KCNIP4: variants seen among roughly 807,000 people sequenced by gnomAD.
KCNIP4 encodes the protein Kv channel-interacting protein 4.
A neutral mutation model predicts 34.0 loss-of-function variants in KCNIP4; 12 were observed. The observed-to-expected ratio is 0.35, with a 90% confidence interval of 0.23 to 0.57. The LOEUF is 0.57. Ranked by LOEUF, KCNIP4 falls within the 20% of genes least tolerant of loss-of-function variation. The pLI, the probability that KCNIP4 is intolerant of heterozygous loss-of-function variation, is 0.83. For synonymous variants in KCNIP4, 124 were observed against 102.2 expected (o/e 1.21, Z -1.29); for missense variants, 238 against 311.7 (o/e 0.76, Z 1.78).
At chr4:21,168,314 C>A (rs530353384) in intron 1 of KCNIP4, among the ~76,000 whole-genome samples, 3 of 152,210 alleles carry the variant, frequency 2.0e-5, no homozygotes, top group African/African-American at 7.2e-5. Flanking sequence ...GTCAGGGAAC[C>A]ACAAGTTTCA....
At chr4:21,471,630 T>C (rs947079624) in intron 1 of KCNIP4, among the ~76,000 whole-genome samples, 5 of 152,196 alleles carry the variant, frequency 3.3e-5, no homozygotes, top group Middle Eastern at 3.2e-3. Context: ...GAAAGGGGAA[T>C]GAGACAGTAA....
At chr4:21,736,281 T>TCA (rs1321525893) in intron 1 of KCNIP4, among the ~76,000 whole-genome samples, 3 of 152,146 alleles carry the variant, frequency 2.0e-5, no homozygotes, top group African/African-American at 7.2e-5. Context: ...TCCCTATTAA[T>TCA]TTCTCACTAG....
chr4:21,906,244 C>T (rs956426546), intron 1 of KCNIP4, among the ~76,000 whole-genome samples: 1 of 152,098 alleles, frequency 6.6e-6, no homozygotes, highest in African/African-American at 2.4e-5. Flanking sequence ...AGAGTCTTTG[C>T]AGGTGTAATA....
chr4:21,623,453 A>AAG (rs1945924971), intron 1 of KCNIP4, among the ~76,000 whole-genome samples: 1 of 152,250 alleles, frequency 6.6e-6, no homozygotes, highest in African/African-American at 2.4e-5. Context: ...GAACTCAACA[A>AAG]ATATTGAATG....
intron 1 of KCNIP4, among the ~76,000 whole-genome samples, chr4:21,239,620 A>G (rs972111368): frequency 5.9e-5 from 9 of 152,240 alleles, no homozygotes; most frequent in Non-Finnish European, 1.2e-4. Flanking sequence ...AGACACATGA[A>G]AAAATGCTCA....
rs145400625 is a variant in KCNIP4 at position 21,569,735 on chromosome 4, G to A, written c.61+378836C>T. On this transcript the variant is annotated intron_variant, in intron 1 of 8. Transcript: ENST00000382152. ...AAAGACTGAAGCTTCTGGGGATGTT[G>A]ATGTAACCCAGAGCTCAACAGCTTT... Among the ~76,000 whole-genome samples, 468 of 152,166 alleles carry A rather than the reference G, an allele frequency of 3.1e-3. 4 individuals are homozygous for A. Among genetic ancestry groups the A allele is most frequent in the African/African-American group, 0.011 (446 of 41,512 alleles).
intron 1 of KCNIP4, among the ~76,000 whole-genome samples, chr4:21,579,144 C>T (rs1471632887): frequency 6.6e-6 from 1 of 152,162 alleles, no homozygotes; most frequent in East Asian, 1.9e-4. Flanking sequence ...TAAAAACCCA[C>T]TGCTCTGCTG....
At position 21,472,997 on chromosome 4, in the gene KCNIP4, T is replaced by A. The variant is rs140305938; in HGVS notation, c.61+475574A>T. ...ACTATGTCAAAGCCATCAGGTTTGG[T>A]CATGTGATTTAACTTGGTCAACAAC... On this transcript the variant is annotated intron_variant, in intron 1 of 8. Transcript: ENST00000382152. Among the ~76,000 whole-genome samples, 1,226 of 152,288 alleles carry A rather than the reference T, an allele frequency of 8.1e-3. 13 individuals are homozygous for A. The highest frequency in any genetic ancestry group is 0.028 in the African/African-American group (1,178 of 41,574).
intron 1 of KCNIP4, among the ~76,000 whole-genome samples, chr4:20,883,518 A>T (rs1369482110): frequency 6.6e-6 from 1 of 152,158 alleles, no homozygotes; most frequent in Non-Finnish European, 1.5e-5. Context: ...TATCCAAGTC[A>T]GCATCAATTT....
intron 1 of KCNIP4, among the ~76,000 whole-genome samples, chr4:21,681,596 A>G (rs1750359905): frequency 6.6e-6 from 1 of 152,226 alleles, no homozygotes; most frequent in Non-Finnish European, 1.5e-5. Context: ...TTTCTTCTGC[A>G]GCTTCCCTAT....
At chr4:21,015,849 TA>T (rs1477089254) in intron 1 of KCNIP4, among the ~76,000 whole-genome samples, 1 of 139,164 alleles carries the variant, frequency 7.2e-6, no homozygotes, top group Non-Finnish European at 1.5e-5. Context: ...ATACAATATA[TA>T]AAATATATAC....
intron 5 of KCNIP4, among the ~76,000 whole-genome samples, chr4:20,741,073 A>G (rs1226522224): frequency 6.6e-6 from 1 of 152,096 alleles, no homozygotes; most frequent in Non-Finnish European, 1.5e-5. Flanking sequence ...TCATAAAACA[A>G]GTCCTTAGAG....
intron 1 of KCNIP4, among the ~76,000 whole-genome samples, chr4:21,399,216 G>T (rs1354215382): frequency 6.6e-6 from 1 of 152,202 alleles, no homozygotes; most frequent in Non-Finnish European, 1.5e-5. Context: ...CTCAGAGCAT[G>T]GTGTTGCCTT....
chr4:21,704,537 A>C (rs747568340), intron 1 of KCNIP4, among the ~76,000 whole-genome samples: 27 of 152,186 alleles, frequency 1.8e-4, no homozygotes, highest in South Asian at 6.2e-4. Flanking sequence ...TTCAATTAGA[A>C]CATGAGCAAA....
At chr4:20,847,536 C>A (rs1720522499) in intron 3 of KCNIP4, among the ~76,000 whole-genome samples, 2 of 129,134 alleles carry the variant, frequency 1.5e-5, no homozygotes, top group African/African-American at 2.7e-5. Context: ...CTGTCTCTAT[C>A]AGCTGCTCAC....
intron 1 of KCNIP4, among the ~76,000 whole-genome samples, chr4:21,278,556 G>T (rs761426196): frequency 1.4e-3 from 209 of 152,160 alleles, no homozygotes; most frequent in Admixed American, 3.0e-3. Context: ...AGTATTCCAT[G>T]ATGTATATGT....
At chr4:21,289,222 A>C (rs2109197429) in intron 1 of KCNIP4, among the ~76,000 whole-genome samples, 1 of 152,328 alleles carries the variant, frequency 6.6e-6, no homozygotes, top group South Asian at 2.1e-4. Flanking sequence ...ACAGGCATAT[A>C]ATGTGTAATG....
At chr4:21,933,021 G>C (rs1729655045) in intron 1 of KCNIP4, among the ~76,000 whole-genome samples, 1 of 138,452 alleles carries the variant, frequency 7.2e-6, no homozygotes, top group African/African-American at 2.6e-5. Context: ...AGATTTCAGA[G>C]GTAAAGCAAA....
In KCNIP4 at chr4:21,325,180, G is replaced by A. The variant is rs189844876; in HGVS notation, c.62-442471C>T. 1.1e-3 allele frequency among the ~76,000 whole-genome samples: 167 copies of A among 151,954 alleles called. 2 individuals carry two copies. Among genetic ancestry groups the A allele is most frequent in the Non-Finnish European group, 3.8e-4 (26 of 67,778 alleles). On this transcript the variant is annotated intron_variant, in intron 1 of 8. Coordinates refer to ENST00000382152, the MANE Select transcript of KCNIP4 (RefSeq NM_025221.6). ...TCAGAATAGTTTGAGTAGGACTGGTGTTAATTCTTCTTTAAATGTTTGATA... is the reference window on the plus strand; with the variant it reads ...TCAGAATAGTTTGAGTAGGACTGGTATTAATTCTTCTTTAAATGTTTGATA...
Sources: allele counts gnomAD v4.1 joint callset (sites outside exome capture counted in the v4.1 genomes callset), GRCh38; gene constraint gnomAD v4.1.1; transcripts MANE v1.5; gene names NCBI Gene and HGNC (gene_info 2026-07-23, HGNC 2026-07-21).